FNTB: variants seen among roughly 807,000 people sequenced by gnomAD.
FNTB encodes the protein farnesyltransferase, CAAX box, subunit beta.
A neutral mutation model predicts 59.4 loss-of-function variants in FNTB; 27 were observed. That is an observed-to-expected ratio of 0.45 (90% confidence interval 0.34 to 0.63). The LOEUF (loss-of-function observed/expected upper bound fraction) is 0.63. Among genes scored for constraint, FNTB ranks in the 20% least tolerant of loss-of-function variants. The probability of loss-of-function intolerance (pLI) is 0.02; values close to 1 mark genes in which losing one functional copy is unlikely to be tolerated. For synonymous variants in FNTB, 230 were observed against 220.7 expected, an observed-to-expected ratio of 1.04 and a Z score of -0.37; for missense variants, 449 against 559.6, an observed-to-expected ratio of 0.80 and a Z score of 1.99.
intron 10 of FNTB, among the ~76,000 whole-genome samples, chr14:65,053,576 C>G (rs905224231): frequency 6.7e-6 from 1 of 148,832 alleles, no homozygotes; most frequent in Non-Finnish European, 1.5e-5. Context: ...ATGCAACCCC[C>G]TCCCCCAGAC....
At chr14:65,040,293 A>G (rs935360886) in intron 7 of FNTB, among the ~76,000 whole-genome samples, 7 of 149,272 alleles carry the variant, frequency 4.7e-5, no homozygotes, top group Non-Finnish European at 1.0e-4. Flanking sequence ...GTATATATAT[A>G]TATGTATATA....
intron 9 of FNTB, among the ~76,000 whole-genome samples, chr14:65,048,075 C>T (rs961273692): frequency 2.1e-5 from 3 of 143,050 alleles, no homozygotes; most frequent in Non-Finnish European, 4.5e-5. Flanking sequence ...GTAGCCTCCT[C>T]GGTTCAATTG....
chr14:65,046,831 G>C (rs1018680320), intron 9 of FNTB, among the ~76,000 whole-genome samples: 13 of 140,980 alleles, frequency 9.2e-5, no homozygotes, highest in African/African-American at 3.6e-4. Flanking sequence ...TATCTAGGAT[G>C]TGAAGTTACA....
intron 4 of FNTB, among the ~76,000 whole-genome samples, chr14:65,025,300 A>C (rs966739474): frequency 1.3e-5 from 2 of 152,212 alleles, no homozygotes; most frequent in African/African-American, 4.8e-5. Flanking sequence ...GGAGTGGATA[A>C]CCAGGTGACT....
chr14:65,021,909 G>A (rs2061894158), intron 4 of FNTB: 5 of 456,002 alleles, frequency 1.1e-5, no homozygotes, highest in Non-Finnish European at 1.8e-5. Context: ...GCCTCCCAAA[G>A]TGCTAGGATT....
intron 9 of FNTB, among the ~76,000 whole-genome samples, chr14:65,051,161 A>C (rs183323883): frequency 3.9e-5 from 6 of 152,324 alleles, no homozygotes; most frequent in Admixed American, 2.0e-4. Context: ...TTCAGGGCTG[A>C]GTGCGACTCA....
intron 11 of FNTB, among the ~76,000 whole-genome samples, chr14:65,060,493 G>A (rs1331366553): frequency 3.9e-5 from 5 of 127,906 alleles, no homozygotes; most frequent in Non-Finnish European, 7.6e-5. Context: ...TCAGGAGATC[G>A]AGACCATCCC....
At chr14:65,016,685 T>A (rs2061779274) in intron 4 of FNTB, among the ~76,000 whole-genome samples, 1 of 152,168 alleles carries the variant, frequency 6.6e-6, no homozygotes, top group African/African-American at 2.4e-5. Context: ...AACAATAACC[T>A]CTCATTCTTG....
Position 65,027,443 on chromosome 14 carries a change from G to A in FNTB, c.375-10G>A, listed in dbSNP as rs771334838. ...CTGACTTTGTTTTTGCCCTTTGGCT[G>A]TGTACCTAGTGTGTGTCAGTTCCTG... On this transcript the variant is annotated splice_polypyrimidine_tract_variant and intron_variant, in intron 4 of 11. Transcript: ENST00000246166. This position sits in a 1 kb window ranked among gnomAD's most constrained non-coding sequence, Gnocchi z 5.7. The A allele has an allele frequency of 2.5e-6, 4 of 1,613,844 alleles. No individual in the cohort carries two copies. The highest frequency in any genetic ancestry group is 1.1e-5 in the South Asian group (1 of 91,040).
intron 2 of FNTB, among the ~76,000 whole-genome samples, chr14:65,004,828 A>G (rs1040992344): frequency 4.6e-5 from 7 of 151,964 alleles, no homozygotes; most frequent in East Asian, 1.9e-4. Context: ...ACACTCGGCT[A>G]ATTTTTGTAT....
At chr14:65,059,837 C>CTTTTTTTT (rs34459085) in intron 11 of FNTB, among the ~76,000 whole-genome samples, 2 of 134,242 alleles carry the variant, frequency 1.5e-5, no homozygotes, top group African/African-American at 2.8e-5. Context: ...GTCCTTTTTT[C>CTTTTTTTT]TTTTTTTTTT....
intron 9 of FNTB, among the ~76,000 whole-genome samples, chr14:65,046,576 C>CT (rs982502746): frequency 3.3e-5 from 5 of 152,134 alleles, no homozygotes; most frequent in Non-Finnish European, 7.3e-5. Flanking sequence ...GTGCTTCCAG[C>CT]TTTTTTCATT....
intron 11 of FNTB, among the ~76,000 whole-genome samples, chr14:65,055,198 G>A (rs878897615): frequency 2.0e-5 from 3 of 152,180 alleles, no homozygotes; most frequent in South Asian, 2.1e-4. Flanking sequence ...TGTTTAATGT[G>A]TGTTTGTCTG....
At chr14:65,049,981 T>C (rs1242951813) in intron 9 of FNTB, among the ~76,000 whole-genome samples, 7 of 152,090 alleles carry the variant, frequency 4.6e-5, no homozygotes, top group African/African-American at 1.4e-4. Context: ...ATAAAACATA[T>C]ATATGTTTTA....
At position 65,044,055 on chromosome 14, in the gene FNTB, G is replaced by T. The variant is rs1049207562; in HGVS notation, c.823-256G>T. 2.6e-5 allele frequency among the ~76,000 whole-genome samples: 4 copies of T among 152,096 alleles called. No homozygotes were observed. The highest frequency in any genetic ancestry group is 5.9e-5 in the Non-Finnish European group (4 of 68,008). ...AGCACTGGCACTGCTTTGGAACCCA[G>T]GAAAAGGTAGTTGTCTGCCAGGCAT... On this transcript the variant is annotated intron_variant, in intron 8 of 11. Transcript: ENST00000246166. The surrounding 1 kb of genome is among the most constrained non-coding windows in gnomAD (Gnocchi z 5.5).
rs527627989 is a variant in FNTB at position 65,052,016 on chromosome 14, C to T, written c.956-1222C>T. 2.2e-3 allele frequency among the ~76,000 whole-genome samples: 341 copies of T among 152,128 alleles called. 2 individuals are homozygous for T. The highest frequency in any genetic ancestry group is 7.8e-3 in the African/African-American group (322 of 41,500). Reference sequence around the variant, plus strand: ...TTCACCGTGTTAGCCGGGATGGTCTCGATCTCCTGACCTCGTGATCAACCC... The same window carrying T: ...TTCACCGTGTTAGCCGGGATGGTCTTGATCTCCTGACCTCGTGATCAACCC... On this transcript the variant is annotated intron_variant, in intron 9 of 11. Coordinates refer to ENST00000246166, the MANE Select transcript of FNTB (RefSeq NM_002028.4).
intron 2 of FNTB, chr14:65,006,263 G>A (rs2139487438): frequency 1.2e-6 from 2 of 1,613,638 alleles, no homozygotes; most frequent in South Asian, 1.1e-5. Flanking sequence ...ACAGGTGGGA[G>A]GGTTAACTTC....
intron 9 of FNTB, among the ~76,000 whole-genome samples, chr14:65,049,125 TAAAAA>T (rs59771962): frequency 7.2e-6 from 1 of 139,732 alleles, no homozygotes. Flanking sequence ...GGACTCCGTC[TAAAAA>T]AAAAAAAAAA....
chr14:65,005,501 C>CTTTCTTTCTT (rs879673570), intron 2 of FNTB, among the ~76,000 whole-genome samples: 54 of 133,528 alleles, frequency 4.0e-4, no homozygotes, highest in African/African-American at 1.6e-3. Context: ...TTCTTTCTTT[C>CTTTCTTTCTT]TTTCTTTCTT....
Sources: allele counts gnomAD v4.1 joint callset (sites outside exome capture counted in the v4.1 genomes callset), GRCh38; gene constraint gnomAD v4.1.1; non-coding constraint Gnocchi (gnomAD v3.1); transcripts MANE v1.5; gene names NCBI Gene and HGNC (gene_info 2026-07-23, HGNC 2026-07-21).